Variants in POU6F2 observed in about 807,000 individuals in gnomAD.
The protein encoded by POU6F2 is POU class 6 homeobox 2.
A neutral mutation model predicts 71.3 loss-of-function variants in POU6F2; 31 were observed. The ratio of observed to expected loss-of-function variants is 0.43; its 90% confidence interval spans 0.33 to 0.59. POU6F2 has a LOEUF of 0.59. Among genes scored for constraint, POU6F2 ranks in the 20% least tolerant of loss-of-function variants. The pLI is 0.04. For missense variants in POU6F2, 783 were observed against 856.8 expected (o/e 0.91, Z 1.07); for synonymous variants, 347 against 355.7 (o/e 0.98, Z 0.27).
chr7:39,236,305 C>T (rs1794675647), intron 4 of POU6F2, among the ~76,000 whole-genome samples: 1 of 152,132 alleles, frequency 6.6e-6, no homozygotes, highest in African/African-American at 2.4e-5. Flanking sequence ...AACTAAGCGC[C>T]TCTAAAATTA....
At chr7:39,016,032 G>T (rs1406013624) in intron 1 of POU6F2, among the ~76,000 whole-genome samples, 31 of 40,376 alleles carry the variant, frequency 7.7e-4, no homozygotes, top group African/African-American at 1.7e-3. Context: ...ATTATATATA[G>T]ATATATATTA....
chr7:39,437,700 T>C (rs1260193266), intron 7 of POU6F2, among the ~76,000 whole-genome samples: 1 of 152,200 alleles, frequency 6.6e-6, no homozygotes, highest in Non-Finnish European at 1.5e-5. Flanking sequence ...CTCTAGTTCT[T>C]AATTGTGATG....
At chr7:39,125,477 C>A (rs1792122580) in intron 2 of POU6F2, among the ~76,000 whole-genome samples, 1 of 152,064 alleles carries the variant, frequency 6.6e-6, no homozygotes, top group Non-Finnish European at 1.5e-5. Flanking sequence ...GATTCGCTGC[C>A]TTTTTTGAAA....
intron 1 of POU6F2, among the ~76,000 whole-genome samples, chr7:39,075,372 T>G (rs951786640): frequency 6.6e-6 from 1 of 152,102 alleles, no homozygotes; most frequent in African/African-American, 2.4e-5. Context: ...TTGAGCTGGA[T>G]TTTTAGGAAT....
chr7:39,447,915 CAAATT>C lies in POU6F2; in HGVS notation c.1321-3615_1321-3611del, dbSNP rs376016029. ...GTCCAAAACAACAACATAATTAAAT[CAAATT>C]AAGTAACATATTCCTAATGCTGCTT... is the stretch of plus-strand genomic sequence containing the variant. On this transcript the variant is annotated intron_variant, in intron 7 of 9. Coordinates refer to ENST00000518318, the MANE Select transcript of POU6F2 (RefSeq NM_001370959.1). Among the ~76,000 whole-genome samples the C allele has an allele frequency of 1.2e-4, 18 of 152,198 alleles. No individual in the cohort carries two copies. In the South Asian group the frequency reaches 3.3e-3, roughly 28 times the overall value.
At chr7:39,233,939 G>A (rs920785115) in intron 4 of POU6F2, among the ~76,000 whole-genome samples, 55 of 152,182 alleles carry the variant, frequency 3.6e-4, no homozygotes, top group African/African-American at 1.2e-3. Flanking sequence ...AATGGTATTC[G>A]GCGCAGAGAA....
chr7:39,448,879 T>C (rs1273971421), intron 7 of POU6F2, among the ~76,000 whole-genome samples: 3 of 152,248 alleles, frequency 2.0e-5, no homozygotes, highest in Non-Finnish European at 4.4e-5. Context: ...AGGGGGTAGA[T>C]TGACATGCAA....
At chr7:39,005,592 C>T (rs546817116) in intron 1 of POU6F2, among the ~76,000 whole-genome samples, 1 of 149,250 alleles carries the variant, frequency 6.7e-6, no homozygotes, top group African/African-American at 2.5e-5. Flanking sequence ...GATAGCCGCA[C>T]GCTATCTTGA....
chr7:39,006,603 T>C (rs1314591999), intron 1 of POU6F2, among the ~76,000 whole-genome samples: 4 of 152,202 alleles, frequency 2.6e-5, no homozygotes, highest in South Asian at 4.1e-4. Context: ...TATTTTCCCA[T>C]GTAGCTCCAC....
intron 4 of POU6F2, among the ~76,000 whole-genome samples, chr7:39,298,342 G>A (rs1784890035): frequency 6.6e-6 from 1 of 152,138 alleles, no homozygotes; most frequent in South Asian, 2.1e-4. Context: ...CCATCAAAAT[G>A]TGGGCAAAGG....
intron 2 of POU6F2, among the ~76,000 whole-genome samples, chr7:39,116,329 A>C (rs1477852270): frequency 6.6e-6 from 1 of 152,124 alleles, no homozygotes; most frequent in African/African-American, 2.4e-5. Context: ...AGGCTGCAGT[A>C]AGCCGTGATC....
In POU6F2 at chr7:39,166,819, C is replaced by T. The variant is rs528363013; in HGVS notation, c.278-37416C>T. ...GAAAGCCTCTTTCCAAGCAGGTGCA[C>T]TTCTTGGGGGATAAAAGACACATTT... is the stretch of plus-strand genomic sequence containing the variant. On this transcript the variant is annotated intron_variant, in intron 2 of 9. Coordinates refer to ENST00000518318, the MANE Select transcript of POU6F2 (RefSeq NM_001370959.1). Among the ~76,000 whole-genome samples, 14 of 152,242 alleles carry T rather than the reference C, an allele frequency of 9.2e-5. No individual in the cohort carries two copies. In the East Asian group the frequency reaches 1.5e-3, roughly 17 times the overall value.
chr7:39,276,057 C>T (rs1301370045), intron 4 of POU6F2, among the ~76,000 whole-genome samples: 1 of 152,108 alleles, frequency 6.6e-6, no homozygotes, highest in African/African-American at 2.4e-5. Flanking sequence ...CAAATGGGAT[C>T]TAATTAAACT....
At chr7:39,178,638 T>C (rs1447457446) in intron 2 of POU6F2, among the ~76,000 whole-genome samples, 1 of 152,158 alleles carries the variant, frequency 6.6e-6, no homozygotes, top group East Asian at 1.9e-4. Flanking sequence ...GTTGAGTCTT[T>C]TCATGAAAAA....
chr7:39,174,390 A>G (rs1262090157), intron 2 of POU6F2, among the ~76,000 whole-genome samples: 1 of 152,102 alleles, frequency 6.6e-6, no homozygotes, highest in African/African-American at 2.4e-5. Flanking sequence ...CAATATTTTT[A>G]TATTGTGGGT....
chr7:39,413,026 G>A (rs1419961457), intron 6 of POU6F2, among the ~76,000 whole-genome samples: 2 of 150,914 alleles, frequency 1.3e-5, no homozygotes, highest in Non-Finnish European at 3.0e-5. Flanking sequence ...GGATGGTCTC[G>A]ATCTGCTGAC....
chr7:39,200,187 C>T (rs181356901), intron 2 of POU6F2, among the ~76,000 whole-genome samples: 86 of 152,282 alleles, frequency 5.6e-4, no homozygotes, highest in African/African-American at 2.0e-3. Flanking sequence ...GCAGTCTTAG[C>T]GCAAAGGAGA....
At chr7:39,234,715 A>G (rs1330918557) in intron 4 of POU6F2, among the ~76,000 whole-genome samples, 1 of 152,126 alleles carries the variant, frequency 6.6e-6, no homozygotes, top group Non-Finnish European at 1.5e-5. Flanking sequence ...GGAGCGAACT[A>G]CTATTTTATA....
chr7:38,986,457 G>C (rs897716769), intron 1 of POU6F2, among the ~76,000 whole-genome samples: 1 of 152,090 alleles, frequency 6.6e-6, no homozygotes, highest in African/African-American at 2.4e-5. Context: ...GCAATGTACT[G>C]CCATTTGTAC....
Sources: gnomAD v4.1 joint callset for allele counts (sites outside exome capture counted in the v4.1 genomes callset) on GRCh38, gnomAD v4.1.1 for gene constraint, MANE v1.5 for transcripts, NCBI Gene and HGNC (gene_info 2026-07-23, HGNC 2026-07-21) for gene names.